Variants in MME observed in about 807,000 individuals in gnomAD.
The protein encoded by MME is membrane metalloendopeptidase.
In MME, 98 loss-of-function variants were observed where a neutral mutation model predicts 113.2. That is an observed-to-expected ratio of 0.87 (90% CI 0.74 to 1.02). The LOEUF (loss-of-function observed/expected upper bound fraction) is 1.02, where lower values mean the gene tolerates loss of function less well. Ranked by LOEUF, MME falls within the 50% of genes least tolerant of loss-of-function variation. MME has a pLI of 0.00. For synonymous variants in MME, 292 were observed against 300.6 expected (o/e 0.97, Z 0.30); for missense variants, 836 against 896.0 (o/e 0.93, Z 0.86).
chr3:155,070,633 G>T (rs1714519925), intron 1 of MME, among the ~76,000 whole-genome samples: 1 of 152,164 alleles, frequency 6.6e-6, no homozygotes, highest in South Asian at 2.1e-4. Context: ...CTAAAATTTA[G>T]ATATTTCTAT....
chr3:155,098,533 G>A (rs940001703), intron 3 of MME, among the ~76,000 whole-genome samples: 7 of 150,864 alleles, frequency 4.6e-5, no homozygotes, highest in Admixed American at 2.6e-4. Flanking sequence ...TCCGGCCTGG[G>A]CGGCAGAGTG....
upstream of MME, among the ~76,000 whole-genome samples, chr3:155,078,946 G>T (rs148617721): frequency 9.2e-5 from 14 of 152,172 alleles, no homozygotes; most frequent in African/African-American, 3.4e-4. Context: ...GAGGGTCCAG[G>T]CGCATTACGG....
At chr3:155,112,049 C>CT (rs945574098) in intron 3 of MME, among the ~76,000 whole-genome samples, 1 of 151,782 alleles carries the variant, frequency 6.6e-6, no homozygotes, top group Non-Finnish European at 1.5e-5. Flanking sequence ...TTCTCTCTAC[C>CT]TTTTTTAGAT....
At position 155,059,258 on chromosome 3, in the gene MME, CAAAAAAAAAAAA is replaced by C. The variant is rs11459710; in HGVS notation, c.-10-24888_-10-24877del. Among the ~76,000 whole-genome samples, 3 of 56,084 alleles carry C rather than the reference CAAAAAAAAAAAA, an allele frequency of 5.3e-5. No individual in the cohort carries two copies. The South Asian group carries it at 2.2e-3, about 42-fold the overall frequency. The allele number at this position is 56,084 out of a possible 152,430, so 36.8% of individuals were successfully genotyped here. A position where few individuals can be genotyped will look rare whatever the true frequency, so the allele number is the denominator to read the frequency against. On this transcript the variant is annotated intron_variant, in intron 1 of 22. Transcript: ENST00000492661. ...TGGGCTACAGAGCAAAATTCTGTCT[CAAAAAAAAAAAA>C]AAAAAAAAAAAGGAAGGATCACTTT...
chr3:155,160,612 C>G (rs989127713), intron 17 of MME, among the ~76,000 whole-genome samples, 164 bp downstream of exon 17: 1 of 152,072 alleles, frequency 6.6e-6, no homozygotes, highest in African/African-American at 2.4e-5. Context: ...TACCTTCTTT[C>G]ACTATAGTGG....
intron 3 of MME, among the ~76,000 whole-genome samples, chr3:155,103,179 G>A (rs1327964339): frequency 6.6e-6 from 1 of 152,132 alleles, no homozygotes; most frequent in Admixed American, 6.5e-5. Context: ...AGTTTTGACT[G>A]TTTCTATTTT....
intron 1 of MME, among the ~76,000 whole-genome samples, chr3:155,048,352 A>C (rs920530840): frequency 1.3e-5 from 2 of 152,170 alleles, no homozygotes; most frequent in African/African-American, 2.4e-5. Context: ...GGAACATGTC[A>C]TTCAGTTTTT....
intron 22 of MME, among the ~76,000 whole-genome samples, chr3:155,173,718 G>T (rs1712222531): frequency 6.6e-6 from 1 of 151,800 alleles, no homozygotes; most frequent in Admixed American, 6.6e-5. Flanking sequence ...CAAATTAACT[G>T]CTTTATAGGT....
At chr3:155,046,523 A>C (rs1425619199) in intron 1 of MME, among the ~76,000 whole-genome samples, 1 of 152,150 alleles carries the variant, frequency 6.6e-6, no homozygotes, top group Non-Finnish European at 1.5e-5. Flanking sequence ...CCCCATCTCT[A>C]CTAAAAATAC....
intron 3 of MME, among the ~76,000 whole-genome samples, chr3:155,097,825 A>G (rs1716867635): frequency 6.6e-6 from 1 of 152,180 alleles, no homozygotes; most frequent in Non-Finnish European, 1.5e-5. Context: ...AAGACTGGAA[A>G]GTGTCCATGT....
chr3:155,084,384 C>A, intron 2 of MME, 57 bp downstream of exon 2: 1 of 1,568,980 alleles, frequency 6.4e-7, no homozygotes, highest in South Asian at 1.1e-5. Flanking sequence ...AAATCTTCCT[C>A]CATGCTTTTA....
intron 3 of MME, among the ~76,000 whole-genome samples, chr3:155,100,970 C>T (rs1717152902): frequency 6.6e-6 from 1 of 152,252 alleles, no homozygotes; most frequent in East Asian, 1.9e-4. Flanking sequence ...GGAGGTGGGG[C>T]CTGGTGGGAG....
At chr3:155,117,119 T>A in intron 7 of MME, 133 bp downstream of exon 7, 1 of 677,152 alleles carries the variant, frequency 1.5e-6, no homozygotes. Flanking sequence ...AGTATATCCA[T>A]GCTCTGTCCC....
At position 155,118,775 on chromosome 3, in the gene MME, T is replaced by C; in HGVS notation, c.684T>C (p.Ser228=). The C allele has an allele frequency of 6.2e-7, 1 of 1,602,744 alleles. No individual in the cohort carries two copies. The highest frequency in any genetic ancestry group is 8.5e-7 in the Non-Finnish European group (1 of 1,171,176). The change falls in exon 8 of 23, where the codon TCT becomes TCC. Residue 228 remains serine, a synonymous_variant. Transcript: ENST00000360490. The stretch of plus-strand genomic sequence containing the variant: ...ACCAACCTCGACTTGGCCTCCCTTC[T>C]AGAGATTACTATGAATGCACTGGAA... The part of the protein sequence containing the change: ...HIDQPRLGLP[S]RDYYECTGIY...
Position 155,088,715 on chromosome 3 carries a change from T to C in MME, c.196+3621T>C, listed in dbSNP as rs73010286. On this transcript the variant is annotated intron_variant, in intron 3 of 22. Transcript: ENST00000360490. ...AAAAAAAAAAGAAAAGAAAGAAATA[T>C]GAAAAGAGAGATGTTGAAAAAATAT... Among the ~76,000 whole-genome samples, 531 of 146,166 alleles carry C rather than the reference T, an allele frequency of 3.6e-3. 3 individuals carry two copies. Among genetic ancestry groups the C allele is most frequent in the African/African-American group, 0.013 (505 of 39,764 alleles).
intron 1 of MME, among the ~76,000 whole-genome samples, chr3:155,063,032 C>CAA (rs772216166): frequency 4.9e-5 from 3 of 61,794 alleles, no homozygotes; most frequent in African/African-American, 1.6e-4. Context: ...GACTCCATCT[C>CAA]AAAAAAAAAA....
chr3:155,128,679 TC>T (rs200079624), intron 8 of MME, among the ~76,000 whole-genome samples: 229 of 151,348 alleles, frequency 1.5e-3, no homozygotes, highest in Non-Finnish European at 2.1e-3. Context: ...TTATTTAATG[TC>T]TTTTTTTTTC....
intron 1 of MME, among the ~76,000 whole-genome samples, chr3:155,070,168 T>C (rs58007166): frequency 0.057 from 8,646 of 152,266 alleles, 707 homozygotes; most frequent in African/African-American, 0.18. Flanking sequence ...TCAAATGGGC[T>C]CTCTTAACAC....
At chr3:155,061,450 CA>C (rs768689390) in intron 1 of MME, among the ~76,000 whole-genome samples, 6,095 of 52,428 alleles carry the variant, frequency 0.12, 122 homozygotes, top group African/African-American at 0.13. Context: ...GGCTCCATCT[CA>C]AAAAAAAAAA....
Sources: allele counts gnomAD v4.1 joint callset (sites outside exome capture counted in the v4.1 genomes callset), GRCh38; gene constraint gnomAD v4.1.1; transcripts MANE v1.5; gene names NCBI Gene and HGNC (gene_info 2026-07-23, HGNC 2026-07-21).